PRTFDC1: variants seen among roughly 807,000 people sequenced by gnomAD.
PRTFDC1 encodes phosphoribosyl transferase domain containing 1.
In PRTFDC1, 38 loss-of-function variants were observed where a neutral mutation model predicts 34.6. That is an observed-to-expected ratio of 1.10 (90% CI 0.85 to 1.44). The LOEUF is 1.44. Among genes scored for constraint, PRTFDC1 ranks in the 40% most tolerant of loss-of-function variants. The pLI, the probability that PRTFDC1 is intolerant of heterozygous loss-of-function variation, is 0.00. For synonymous variants in PRTFDC1, 93 were observed against 98.1 expected, an observed-to-expected ratio of 0.95 and a Z score of 0.31; for missense variants, 270 against 283.0, an observed-to-expected ratio of 0.95 and a Z score of 0.33.
chr10:24,946,876 C>T (rs138014068), intron 1 of PRTFDC1, among the ~76,000 whole-genome samples: 132 of 152,324 alleles, frequency 8.7e-4, no homozygotes, highest in Admixed American at 1.6e-3. Context: ...TGGCTCATGC[C>T]TGTAATCCCA....
At chr10:24,868,501 C>T (rs879564614) in intron 4 of PRTFDC1, among the ~76,000 whole-genome samples, 57 of 152,170 alleles carry the variant, frequency 3.7e-4, no homozygotes, top group Middle Eastern at 3.2e-3. Flanking sequence ...ATTATCACTA[C>T]AGGAGAAAGG....
At chr10:24,858,188 G>A (rs1236465494) in intron 5 of PRTFDC1, among the ~76,000 whole-genome samples, 2 of 152,114 alleles carry the variant, frequency 1.3e-5, no homozygotes, top group Non-Finnish European at 1.5e-5. Flanking sequence ...GGATAAAGTC[G>A]CCCACAAATA....
chr10:24,852,205 C>A (rs1847503078), intron 7 of PRTFDC1, among the ~76,000 whole-genome samples: 1 of 151,176 alleles, frequency 6.6e-6, no homozygotes, highest in African/African-American at 2.4e-5. Flanking sequence ...TTTTCTGAGA[C>A]CGAGTCTCGC....
intron 4 of PRTFDC1, among the ~76,000 whole-genome samples, chr10:24,861,476 G>A (rs1466803471): frequency 2.6e-5 from 4 of 151,862 alleles, no homozygotes; most frequent in African/African-American, 9.7e-5. Context: ...CTCCAGCCTG[G>A]GCAACAGAGT....
chr10:24,897,617 G>A (rs942808822), intron 3 of PRTFDC1, among the ~76,000 whole-genome samples: 2 of 152,200 alleles, frequency 1.3e-5, no homozygotes, highest in African/African-American at 2.4e-5. Flanking sequence ...GAAATCCGGG[G>A]CTTCTTTGTA....
At chr10:24,902,418 A>G (rs1431492689) in intron 3 of PRTFDC1, among the ~76,000 whole-genome samples, 2 of 152,168 alleles carry the variant, frequency 1.3e-5, no homozygotes, top group Non-Finnish European at 2.9e-5. Flanking sequence ...GGTGCATGTC[A>G]TTGGAACCTT....
intron 1 of PRTFDC1, among the ~76,000 whole-genome samples, chr10:24,950,913 T>C (rs1256351342): frequency 1.3e-5 from 2 of 152,236 alleles, no homozygotes; most frequent in Non-Finnish European, 2.9e-5. Context: ...GAATTTCAAA[T>C]TGCCTACAGT....
intron 7 of PRTFDC1, among the ~76,000 whole-genome samples, chr10:24,854,751 C>T (rs1363679174): frequency 6.6e-6 from 1 of 152,152 alleles, no homozygotes; most frequent in African/African-American, 2.4e-5. Context: ...ACCTGCTCTG[C>T]TAATTCTCTG....
intron 3 of PRTFDC1, among the ~76,000 whole-genome samples, chr10:24,908,120 T>C (rs1190281073): frequency 6.6e-6 from 1 of 152,162 alleles, no homozygotes; most frequent in Non-Finnish European, 1.5e-5. Context: ...TAAGGCCTTT[T>C]ATAGTAAGTT....
rs1455069526 is a variant in PRTFDC1 at position 24,855,378 on chromosome 10, A to G, written c.507-14T>C. The G allele has an allele frequency of 5.0e-6, 8 of 1,613,982 alleles. No individual in the cohort carries two copies. The highest frequency in any genetic ancestry group is 6.8e-6 in the Non-Finnish European group (8 of 1,179,878). On this transcript the variant is annotated splice_polypyrimidine_tract_variant and intron_variant, in intron 6 of 8. Coordinates refer to ENST00000320152, the MANE Select transcript of PRTFDC1 (RefSeq NM_020200.7). The stretch of plus-strand genomic sequence containing the variant: ...TTCACCAACAAACTACCATTAAAAA[A>G]GACATGCTTTAGTGAACCCAATCAA...
chr10:24,935,887 G>C (rs1849042455), intron 3 of PRTFDC1, among the ~76,000 whole-genome samples: 1 of 152,210 alleles, frequency 6.6e-6, no homozygotes, highest in Admixed American at 6.5e-5. Context: ...AATGGGAACT[G>C]AGCTTGCCAA....
At chr10:24,903,899 G>T (rs992151889) in intron 3 of PRTFDC1, among the ~76,000 whole-genome samples, 4 of 151,392 alleles carry the variant, frequency 2.6e-5, no homozygotes, top group Non-Finnish European at 5.9e-5. Context: ...AACCTCCCCA[G>T]GCTGGTCTCA....
At chr10:24,896,623 C>T (rs1004409429) in intron 3 of PRTFDC1, among the ~76,000 whole-genome samples, 26 of 152,268 alleles carry the variant, frequency 1.7e-4, no homozygotes, top group African/African-American at 6.3e-4. Context: ...TATTTGGAGG[C>T]ACTTCAGAGG....
chr10:24,934,235 GAA>G (rs1455001898), intron 3 of PRTFDC1, among the ~76,000 whole-genome samples: 5 of 120,202 alleles, frequency 4.2e-5, no homozygotes, highest in African/African-American at 1.1e-4. Flanking sequence ...AGAAGAAGAA[GAA>G]GAAGAAGAAG....
chr10:24,945,217 T>C (rs1217539559), intron 1 of PRTFDC1, among the ~76,000 whole-genome samples: 1 of 152,232 alleles, frequency 6.6e-6, no homozygotes, highest in African/African-American at 2.4e-5. Context: ...AGACTTTTTC[T>C]GATTCATTGT....
intron 3 of PRTFDC1, among the ~76,000 whole-genome samples, chr10:24,917,514 G>C (rs1848712430): frequency 6.6e-6 from 1 of 152,096 alleles, no homozygotes. Flanking sequence ...ATAATATTTT[G>C]ATGTTTTCTT....
chr10:24,851,440 A>G lies in PRTFDC1; in HGVS notation c.578T>C (p.Leu193Ser). ...PDYAGFEIPN[L>S]FVVGYALDYN... ...ATCTAAGGCATATCCCACCACAAAT[A>G]AGTTTGGAATCTCAAATCCAGCATC... The change falls in exon 8 of 9, where the codon TTA becomes TCA. Residue 193 changes from leucine to serine, a missense_variant. Transcript: ENST00000320152. The G allele has an allele frequency of 6.2e-7, 1 of 1,612,218 alleles. No individual in the cohort carries two copies. The highest frequency in any genetic ancestry group is 8.5e-7 in the Non-Finnish European group (1 of 1,179,762).
rs1588590184 is a variant in PRTFDC1 at position 24,883,723 on chromosome 10, C to T, written c.340-11660G>A. Among the ~76,000 whole-genome samples the T allele has an allele frequency of 3.3e-5, 5 of 151,488 alleles. No individual in the cohort carries two copies. In the South Asian group the frequency reaches 1.0e-3, roughly 32 times the overall value. ...AAACACATGGAGCCTCTTGACACATCTGAATGACCCCAAAGACTCCCCAAA... is the reference window on the plus strand; with the variant it reads ...AAACACATGGAGCCTCTTGACACATTTGAATGACCCCAAAGACTCCCCAAA... On this transcript the variant is annotated intron_variant, in intron 3 of 8. Coordinates refer to ENST00000320152, the MANE Select transcript of PRTFDC1 (RefSeq NM_020200.7).
intron 3 of PRTFDC1, chr10:24,908,607 C>G: frequency 6.2e-7 from 1 of 1,612,702 alleles, no homozygotes; most frequent in East Asian, 2.2e-5. Flanking sequence ...TGCAGGGGAG[C>G]ACAGCTACTC....
Sources: gnomAD v4.1 joint callset for allele counts (sites outside exome capture counted in the v4.1 genomes callset) on GRCh38, gnomAD v4.1.1 for gene constraint, MANE v1.5 for transcripts, NCBI Gene and HGNC (gene_info 2026-07-23, HGNC 2026-07-21) for gene names.